Variants in CENPP observed in about 807,000 individuals in gnomAD.
The protein encoded by CENPP is centromere protein P.
Under a neutral mutation model 35.6 loss-of-function variants are expected in CENPP, and 24 were observed. The ratio of observed to expected loss-of-function variants is 0.67; its 90% CI spans 0.49 to 0.95. The LOEUF is 0.95. CENPP is among the 40% of genes least tolerant of loss of function. CENPP has a pLI of 0.00. For missense variants in CENPP, 332 were observed against 345.3 expected (o/e 0.96, Z 0.31); for synonymous variants, 120 against 125.5 (o/e 0.96, Z 0.29).
chr9:92,414,006 A>G (rs1266067075), intron 5 of CENPP, among the ~76,000 whole-genome samples: 3 of 152,208 alleles, frequency 2.0e-5, no homozygotes, highest in South Asian at 2.1e-4. Context: ...GCAGCCCTAG[A>G]TTGGTATTTG....
intron 5 of CENPP, among the ~76,000 whole-genome samples, chr9:92,492,153 C>T (rs991980804): frequency 6.6e-6 from 1 of 152,154 alleles, no homozygotes; most frequent in African/African-American, 2.4e-5. Flanking sequence ...TTAGAGAAAC[C>T]ATTTTTGCCT....
intron 5 of CENPP, chr9:92,459,840 C>T (rs778953403): frequency 1.9e-5 from 26 of 1,389,646 alleles, no homozygotes; most frequent in African/African-American, 7.2e-5. Flanking sequence ...CTGAAAACAC[C>T]GCAAACTAGT....
chr9:92,346,336 C>T (rs529272076), intron 4 of CENPP, among the ~76,000 whole-genome samples: 1 of 152,134 alleles, frequency 6.6e-6, no homozygotes, highest in African/African-American at 2.4e-5. Flanking sequence ...AAATCATTTG[C>T]TGAAGCTTGA....
chr9:92,486,692 A>G (rs1588172351), intron 5 of CENPP, among the ~76,000 whole-genome samples: 2 of 152,176 alleles, frequency 1.3e-5, no homozygotes, highest in Admixed American at 6.5e-5. Context: ...AAAATGAATT[A>G]TAATAAATTG....
At chr9:92,442,615 C>T (rs138126942) in intron 5 of CENPP, among the ~76,000 whole-genome samples, 1,647 of 151,790 alleles carry the variant, frequency 0.011, 14 homozygotes, top group Non-Finnish European at 0.017. Flanking sequence ...TTTGGGAAGC[C>T]GAGGCAGGTG....
intron 5 of CENPP, among the ~76,000 whole-genome samples, chr9:92,538,529 C>T (rs1849242789): frequency 6.6e-6 from 1 of 152,094 alleles, no homozygotes. Context: ...CTTAAAGTAA[C>T]AGCACTGAGG....
At chr9:92,385,674 C>T (rs1842388862) in intron 5 of CENPP, 1 of 1,614,024 alleles carries the variant, frequency 6.2e-7, no homozygotes, top group African/African-American at 1.3e-5. Flanking sequence ...TGTTTGGATG[C>T]TTTCCCAGGA....
chr9:92,364,798 T>C (rs1841846003), intron 4 of CENPP, among the ~76,000 whole-genome samples: 1 of 152,182 alleles, frequency 6.6e-6, no homozygotes, highest in Non-Finnish European at 1.5e-5. Flanking sequence ...TACATGGTAA[T>C]TGATGGTAGA....
At chr9:92,415,127 A>G (rs1843550705) in intron 5 of CENPP, 1 of 1,536,922 alleles carries the variant, frequency 6.5e-7, no homozygotes. Context: ...GTGAAGTCGT[A>G]AGTGTATACC....
At position 92,544,597 on chromosome 9, in the gene CENPP, A is replaced by G. The variant is rs192349492; in HGVS notation, c.565-66717A>G. The stretch of plus-strand genomic sequence containing the variant: ...AATTTTGTCAAATATTCTACATTCC[A>G]AAGTTGTTCTTTAAAAAACAAAACT... On this transcript the variant is annotated intron_variant, in intron 5 of 7. Coordinates refer to ENST00000375587, the MANE Select transcript of CENPP (RefSeq NM_001012267.3). Among the ~76,000 whole-genome samples, 65 of 152,230 alleles carry G rather than the reference A, an allele frequency of 4.3e-4. 1 individual carries two copies. Among genetic ancestry groups the G allele is most frequent in the Non-Finnish European group, 8.1e-4 (55 of 68,002 alleles).
chr9:92,380,283 G>A (rs935178185), intron 5 of CENPP, among the ~76,000 whole-genome samples: 8 of 152,150 alleles, frequency 5.3e-5, no homozygotes, highest in East Asian at 1.9e-4. Context: ...TGATTCTTGC[G>A]AAGTAATGCT....
At chr9:92,355,578 C>G (rs1157802933) in intron 4 of CENPP, among the ~76,000 whole-genome samples, 2 of 152,120 alleles carry the variant, frequency 1.3e-5, no homozygotes, top group African/African-American at 4.8e-5. Context: ...ACAAATAAGA[C>G]TTCTGTAAAG....
Position 92,616,097 on chromosome 9 carries a change from C to G in CENPP, c.*2948C>G, listed in dbSNP as rs747352358. 5.0e-6 allele frequency: 7 copies of G among 1,387,382 alleles called. No individual in the cohort carries two copies. The Admixed American group carries it at 1.3e-4, about 26-fold the overall frequency. The allele number at this position is 1,387,382 out of a possible 1,614,324, so 85.9% of individuals were successfully genotyped here. On this transcript the variant is annotated 3_prime_UTR_variant, in exon 8 of 8. Transcript: ENST00000375587. ...TACCATTTCAGGATACACAAGCCCCCCATTCATTTCCCTCCCTCCCGTTCT... is the reference window on the plus strand; with the variant it reads ...TACCATTTCAGGATACACAAGCCCCGCATTCATTTCCCTCCCTCCCGTTCT...
chr9:92,533,318 A>ATATATATATAT (rs1848939859), intron 5 of CENPP, among the ~76,000 whole-genome samples: 1 of 94,840 alleles, frequency 1.1e-5, no homozygotes, highest in African/African-American at 4.2e-5. Context: ...AAAAAAAAAA[A>ATATATATATAT]AAAAAAAAAA....
At chr9:92,392,939 A>G (rs1842745681) in intron 5 of CENPP, 2 of 608,164 alleles carry the variant, frequency 3.3e-6, no homozygotes, top group African/African-American at 1.9e-5. Flanking sequence ...CAACAAATGA[A>G]TGGACTTTTG....
At chr9:92,543,164 T>C (rs1849352011) in intron 5 of CENPP, among the ~76,000 whole-genome samples, 1 of 152,194 alleles carries the variant, frequency 6.6e-6, no homozygotes, top group Admixed American at 6.5e-5. Context: ...CCTCCAACTT[T>C]GTTTTCTTTG....
At position 92,616,176 on chromosome 9, in the gene CENPP, G is replaced by T; in HGVS notation, c.*3027G>T. ...TTTTTATGTTTTTTCTTTGACTTCT[G>T]CAAAGTTAGATAAATCAATCTCTTT... is the stretch of plus-strand genomic sequence containing the variant. On this transcript the variant is annotated 3_prime_UTR_variant, in exon 8 of 8. Coordinates refer to ENST00000375587, the MANE Select transcript of CENPP (RefSeq NM_001012267.3). 2.9e-6 allele frequency: 2 copies of T among 690,282 alleles called. No homozygotes were observed. Among genetic ancestry groups the T allele is most frequent in the Non-Finnish European group, 4.9e-6 (2 of 409,316 alleles). The allele number at this position is 690,282 out of a possible 1,614,324, so 42.8% of individuals were successfully genotyped here. A position where few individuals can be genotyped will look rare whatever the true frequency, so the allele number is the denominator to read the frequency against.
intron 5 of CENPP, chr9:92,457,614 G>T: frequency 2.9e-6 from 2 of 693,988 alleles, no homozygotes; most frequent in Non-Finnish European, 4.8e-6. Flanking sequence ...TGTATTTTCA[G>T]GTAAAGTAGA....
At chr9:92,495,780 A>G (rs1846314731) in intron 5 of CENPP, 1 of 950,622 alleles carries the variant, frequency 1.1e-6, no homozygotes, top group Admixed American at 6.2e-5. Context: ...AATTAATGGA[A>G]GAAATGAAAG....
Sources: gnomAD v4.1 joint callset for allele counts (sites outside exome capture counted in the v4.1 genomes callset) on GRCh38, gnomAD v4.1.1 for gene constraint, MANE v1.5 for transcripts, NCBI Gene and HGNC (gene_info 2026-07-23, HGNC 2026-07-21) for gene names.